The following SLC24A4 variants were observed in gnomAD, a reference collection of about 807,000 sequenced individuals.
SLC24A4 encodes the protein solute carrier family 24 member 4.
Under a neutral mutation model 79.0 loss-of-function variants are expected in SLC24A4, and 53 were observed. The observed-to-expected ratio is 0.67, with a 90% CI of 0.54 to 0.84. The LOEUF is 0.84. Among genes scored for constraint, SLC24A4 ranks in the 40% least tolerant of loss-of-function variants. The pLI, the probability that SLC24A4 is intolerant of heterozygous loss-of-function variation, is 0.00. For missense variants in SLC24A4, 731 were observed against 822.0 expected, an observed-to-expected ratio of 0.89 and a Z score of 1.35; for synonymous variants, 323 against 323.8, an observed-to-expected ratio of 1.00 and a Z score of 0.03.
chr14:92,484,983 C>A, intron 13 of SLC24A4: 1 of 743,374 alleles, frequency 1.3e-6, no homozygotes, highest in Non-Finnish European at 1.6e-6. Context: ...CCTAATCTTA[C>A]TTCATCTTGT....
At chr14:92,447,286 C>T (rs1892850732) in intron 8 of SLC24A4, 85 bp from the exon 9 acceptor site, 2 of 1,262,810 alleles carry the variant, frequency 1.6e-6, no homozygotes, top group African/African-American at 2.9e-5. Context: ...ACATCCCGCC[C>T]TTCCCCACTT....
chr14:92,445,392 A>C, intron 8 of SLC24A4, 50 bp downstream of exon 8: 1 of 1,587,692 alleles, frequency 6.3e-7, no homozygotes, highest in East Asian at 2.2e-5. Flanking sequence ...TGTTGTTTCC[A>C]GTATCCTTAT....
chr14:92,323,861 A>G lies in SLC24A4; in HGVS notation c.31A>G (p.Lys11Glu). Reference protein sequence around the residue: MALRGTLRPLKVRRRREMLPQ... With the variant: MALRGTLRPLEVRRRREMLPQ... ...GCTCCGCGGGACCCTCCGGCCGCTCAAAGTTCGCAGGAGGCGAGAGATGCT... is the reference window on the plus strand; with the variant it reads ...GCTCCGCGGGACCCTCCGGCCGCTCGAAGTTCGCAGGAGGCGAGAGATGCT... Residue 11 changes from lysine to glutamate, a missense_variant, in exon 1 of 17, where the codon AAA becomes GAA. Lys to Glu is a moderately conservative substitution (Grantham distance 56, BLOSUM62 1). Coordinates refer to ENST00000532405, the MANE Select transcript of SLC24A4 (RefSeq NM_153646.4). The surrounding 1 kb of genome is among the most constrained non-coding windows in gnomAD (Gnocchi z 4.9). 3 of 1,598,536 alleles carry G rather than the reference A, an allele frequency of 1.9e-6. No individual in the cohort carries two copies. The Middle Eastern group carries it at 5.2e-4, about 276-fold the overall frequency.
chr14:92,337,291 C>T (rs745381906), intron 2 of SLC24A4, among the ~76,000 whole-genome samples: 178 of 152,304 alleles, frequency 1.2e-3, no homozygotes, highest in Non-Finnish European at 2.1e-3. Context: ...ATTTGCCATT[C>T]TTTCCCTTCT....
At chr14:92,431,303 G>A (rs926180769) in intron 2 of SLC24A4, among the ~76,000 whole-genome samples, 4 of 152,212 alleles carry the variant, frequency 2.6e-5, no homozygotes, top group Non-Finnish European at 5.9e-5. Context: ...ATCTCCATTC[G>A]TAGGTGAGGG....
chr14:92,378,777 C>T (rs1406874632), intron 2 of SLC24A4, among the ~76,000 whole-genome samples: 6 of 152,170 alleles, frequency 3.9e-5, no homozygotes, highest in Admixed American at 6.5e-5. Context: ...GAGCCAGGCA[C>T]GGTGGCACGC....
intron 2 of SLC24A4, among the ~76,000 whole-genome samples, chr14:92,380,389 C>T (rs1888773026): frequency 6.6e-6 from 1 of 152,192 alleles, no homozygotes; most frequent in East Asian, 1.9e-4. Context: ...TGGCCGCATT[C>T]CTGGCTTCAG....
chr14:92,372,867 CCCTTCCTTCCTTCCTTCCTT>C (rs1276150058), intron 2 of SLC24A4, among the ~76,000 whole-genome samples: 8 of 109,894 alleles, frequency 7.3e-5, no homozygotes, highest in African/African-American at 2.5e-4. Flanking sequence ...GGGTCACTGT[CCCTTCCTTCCTTCCTTCCTT>C]CCTTCCTTCC....
intron 2 of SLC24A4, among the ~76,000 whole-genome samples, chr14:92,402,040 T>C (rs897201662): frequency 1.3e-5 from 2 of 152,186 alleles, no homozygotes; most frequent in African/African-American, 4.8e-5. Context: ...ATAAAAGTGA[T>C]GGAATATATT....
chr14:92,429,332 C>A (rs896465200), intron 2 of SLC24A4, among the ~76,000 whole-genome samples: 1 of 152,020 alleles, frequency 6.6e-6, no homozygotes, highest in Non-Finnish European at 1.5e-5. Flanking sequence ...ACCCATTGAA[C>A]TTCAAACCAC....
intron 2 of SLC24A4, among the ~76,000 whole-genome samples, chr14:92,414,665 G>A (rs774109080): frequency 9.9e-5 from 15 of 152,190 alleles, no homozygotes; most frequent in African/African-American, 2.2e-4. Context: ...GCTTGATCCC[G>A]GGAGGTTGAG....
At chr14:92,326,130 A>G in intron 2 of SLC24A4, 152 bp downstream of exon 2, 1 of 575,098 alleles carries the variant, frequency 1.7e-6, no homozygotes, top group Admixed American at 3.0e-5. Context: ...AAGGTAACAT[A>G]AAGACATTCG....
In SLC24A4 at chr14:92,343,643, T is replaced by C. The variant is rs1425628834; in HGVS notation, c.241+17665T>C. On this transcript the variant is annotated intron_variant, in intron 2 of 16. Transcript: ENST00000532405. ...TTCTTTCTTTCTTTCTTTCTTTCTC[T>C]CTTTCCTTCTTTCCTTCCTTCCTTC... Among the ~76,000 whole-genome samples, 17 of 112,162 alleles carry C rather than the reference T, an allele frequency of 1.5e-4. 1 individual carries two copies. The highest frequency in any genetic ancestry group is 3.9e-5 in the Non-Finnish European group (2 of 51,762). The allele number at this position is 112,162 out of a possible 152,430, so 73.6% of individuals were successfully genotyped here. A position where few individuals can be genotyped will look rare whatever the true frequency, so the allele number is the denominator to read the frequency against.
chr14:92,479,512 G>A (rs914185399), intron 12 of SLC24A4, among the ~76,000 whole-genome samples: 4 of 152,170 alleles, frequency 2.6e-5, no homozygotes, highest in African/African-American at 9.7e-5. Context: ...TACATTGATT[G>A]AATTGTATAT....
intron 3 of SLC24A4, among the ~76,000 whole-genome samples, chr14:92,434,320 G>A (rs1023678954): frequency 2.0e-5 from 3 of 152,106 alleles, no homozygotes; most frequent in Admixed American, 2.0e-4. Flanking sequence ...GTGTTGCGTG[G>A]CACATGATAA....
At chr14:92,400,404 A>G (rs371714722) in intron 2 of SLC24A4, among the ~76,000 whole-genome samples, 1 of 141,720 alleles carries the variant, frequency 7.1e-6, no homozygotes, top group Admixed American at 7.8e-5. Context: ...GTGCCACTGC[A>G]CTCCAGCCTG....
At chr14:92,449,256 G>A in intron 10 of SLC24A4, 40 bp downstream of exon 10, 1 of 1,601,182 alleles carries the variant, frequency 6.2e-7, no homozygotes, top group Non-Finnish European at 8.5e-7. Flanking sequence ...AATGTGTCCT[G>A]GAAGCCACTC....
chr14:92,379,992 G>A (rs1042800643), intron 2 of SLC24A4, among the ~76,000 whole-genome samples: 1 of 152,166 alleles, frequency 6.6e-6, no homozygotes, highest in Non-Finnish European at 1.5e-5. Context: ...TGGGGTACTG[G>A]GGTAGTGTCC....
intron 16 of SLC24A4, 89 bp downstream of exon 16, chr14:92,492,329 CT>C: frequency 1.6e-6 from 2 of 1,232,116 alleles, no homozygotes; most frequent in South Asian, 1.3e-5. Context: ...CTGTACACCC[CT>C]GTCACTTCCC....
Sources: allele counts gnomAD v4.1 joint callset (sites outside exome capture counted in the v4.1 genomes callset), GRCh38; gene constraint gnomAD v4.1.1; non-coding constraint Gnocchi (gnomAD v3.1); transcripts MANE v1.5; gene names NCBI Gene and HGNC (gene_info 2026-07-23, HGNC 2026-07-21).